Variants in ARHGAP17 observed in about 807,000 individuals in gnomAD.
ARHGAP17 encodes rho GTPase-activating protein 17.
ARHGAP17 carries 57 observed loss-of-function variants against 99.5 expected under a neutral mutation model. The observed-to-expected ratio is 0.57, with a 90% CI of 0.46 to 0.71. The LOEUF (loss-of-function observed/expected upper bound fraction) is 0.71. Ranked by LOEUF, ARHGAP17 falls within the 30% of genes least tolerant of loss-of-function variation. The probability of loss-of-function intolerance (pLI) is 0.00; values close to 1 mark genes in which losing one functional copy is unlikely to be tolerated. For synonymous variants in ARHGAP17, 417 were observed against 429.6 expected, an observed-to-expected ratio of 0.97 and a Z score of 0.36; for missense variants, 1,000 against 1,122.4, an observed-to-expected ratio of 0.89 and a Z score of 1.56.
In ARHGAP17 at chr16:24,947,541, C is replaced by A; in HGVS notation, c.1182G>T (p.Met394Ile). Residue 394 changes from methionine to isoleucine, a missense_variant, in exon 14 of 20, where the codon ATG becomes ATT. Coordinates refer to ENST00000289968, the MANE Select transcript of ARHGAP17 (RefSeq NM_001006634.3). ...KLAQTSDVNK[M>I]TPSNIAIVLG... ...ACACAATCGCAATGTTGCTGGGAGT[C>A]ATTTTATTCACATCGCTGGTCTGAG... is the stretch of plus-strand genomic sequence containing the variant. 6.2e-7 allele frequency: 1 copy of A among 1,613,584 alleles called. No individual in the cohort carries two copies. Among genetic ancestry groups the A allele is most frequent in the South Asian group, 1.1e-5 (1 of 91,066 alleles).
chr16:24,936,721 A>G (rs1287385254), intron 17 of ARHGAP17: 1 of 151,858 alleles, frequency 6.6e-6, no homozygotes, highest in Non-Finnish European at 1.5e-5. Flanking sequence ...AAAAAAAAGC[A>G]AAGTAACTGA....
intron 10 of ARHGAP17, 130 bp downstream of exon 10, chr16:24,954,473 G>C: frequency 7.5e-7 from 1 of 1,332,166 alleles, no homozygotes; most frequent in South Asian, 1.5e-5. Context: ...GAAAGCCACT[G>C]TTCTACACAA....
intron 16 of ARHGAP17, 184 bp from the exon 17 acceptor site, chr16:24,939,781 G>A (rs755146343): frequency 2.5e-5 from 16 of 651,176 alleles, no homozygotes; most frequent in Non-Finnish European, 4.0e-5. Flanking sequence ...TCAAGCCTGA[G>A]CAAAGCCAAT....
intron 15 of ARHGAP17, among the ~76,000 whole-genome samples, 157 bp downstream of exon 15, chr16:24,943,614 A>C (rs1260669308): frequency 2.0e-5 from 3 of 152,240 alleles, no homozygotes; most frequent in African/African-American, 7.2e-5. Context: ...CATCATGTCA[A>C]AATACAAATG....
chr16:25,006,285 T>TA (rs144748526), intron 1 of ARHGAP17, among the ~76,000 whole-genome samples: 1,596 of 139,122 alleles, frequency 0.011, 24 homozygotes, highest in African/African-American at 0.034. Context: ...TACTAAAAAT[T>TA]AAAAAAAAAA....
At chr16:24,959,546 GTAC>G in intron 9 of ARHGAP17, 122 bp downstream of exon 9, 1 of 864,190 alleles carries the variant, frequency 1.2e-6, no homozygotes, top group East Asian at 2.7e-5. Flanking sequence ...CTGGGAAACA[GTAC>G]CCTCCTAGGC....
rs1567212960 is a variant in ARHGAP17 at position 24,935,643 on chromosome 16, A to C, written c.1725-4T>G. 6.2e-6 allele frequency: 10 copies of C among 1,613,734 alleles called. No individual in the cohort carries two copies. The highest frequency in any genetic ancestry group is 8.5e-6 in the Non-Finnish European group (10 of 1,179,980). ...AGGGTCCTTCGGTTTGGGAGGACTA[A>C]GAGGAGTAAAAGTCAAGTTAGACGT... On this transcript the variant is annotated splice_region_variant and splice_polypyrimidine_tract_variant and intron_variant, in intron 17 of 19. Transcript: ENST00000289968.
chr16:24,953,854 A>C (rs2141242989), intron 10 of ARHGAP17, among the ~76,000 whole-genome samples: 1 of 152,290 alleles, frequency 6.6e-6, no homozygotes, highest in Middle Eastern at 3.4e-3. Context: ...CCCAGACAAG[A>C]AGCACCAATG....
At chr16:24,973,447 C>A (rs959853144) in intron 3 of ARHGAP17, among the ~76,000 whole-genome samples, 14 of 152,190 alleles carry the variant, frequency 9.2e-5, no homozygotes, top group African/African-American at 3.4e-4. Flanking sequence ...CTCCTCTTCC[C>A]AAGTGCAAAG....
chr16:24,920,404 T>C (rs2050690893), intron 19 of ARHGAP17, 144 bp from the exon 20 acceptor site: 1 of 973,906 alleles, frequency 1.0e-6, no homozygotes, highest in Non-Finnish European at 1.5e-6. Flanking sequence ...CCTCATCAGC[T>C]CTTAGAAGCC....
At position 24,947,487 on chromosome 16, in the gene ARHGAP17, A is replaced by G. The variant is rs2051507311; in HGVS notation, c.1236T>C (p.Asn412=). ...VLGPNLLWAR[N]EGTLAEMAAA... ...TACAGAGAAAGATGACTTACCCTTC[A>G]TTTCTGGCCCATAACAAGTTAGGGC... Residue 412 remains asparagine (N), a synonymous_variant, in exon 14 of 20, where the codon AAT becomes AAC. Coordinates refer to ENST00000289968, the MANE Select transcript of ARHGAP17 (RefSeq NM_001006634.3). The G allele has an allele frequency of 4.3e-6, 7 of 1,612,746 alleles. No individual in the cohort carries two copies. In the East Asian group the frequency reaches 1.6e-4, roughly 36 times the overall value.
rs1473712109 is a variant in ARHGAP17 at position 24,920,015 on chromosome 16, C to T, written c.*115G>A. The T allele has an allele frequency of 6.8e-7, 1 of 1,464,204 alleles. No individual in the cohort carries two copies. Among genetic ancestry groups the T allele is most frequent in the African/African-American group, 1.4e-5 (1 of 71,142 alleles). The allele number at this position is 1,464,204 out of a possible 1,614,324, so 90.7% of individuals were successfully genotyped here. A position where few individuals can be genotyped will look rare whatever the true frequency, so the allele number is the denominator to read the frequency against. On this transcript the variant is annotated 3_prime_UTR_variant, in exon 20 of 20. Transcript: ENST00000289968. ...AGGCCAGGTCCCGCACAGTGAGGCC[C>T]TCCTTTGTCCTCCACTGAAAGCTTT... is the stretch of plus-strand genomic sequence containing the variant.
At chr16:24,984,950 AAG>A (rs1241910668) in intron 1 of ARHGAP17, among the ~76,000 whole-genome samples, 2 of 152,202 alleles carry the variant, frequency 1.3e-5, no homozygotes, top group Non-Finnish European at 2.9e-5. Flanking sequence ...TTTATGTTAA[AAG>A]AGGAGTGAAA....
At chr16:24,941,618 C>G in intron 16 of ARHGAP17, 1 of 201,346 alleles carries the variant, frequency 5.0e-6, no homozygotes, top group Non-Finnish European at 1.0e-5. Flanking sequence ...TGGGTGTTCT[C>G]ACACTCAATT....
At chr16:25,013,995 G>A (rs566744877) in intron 1 of ARHGAP17, 4 of 152,030 alleles carry the variant, frequency 2.6e-5, no homozygotes, top group African/African-American at 4.8e-5. Context: ...TGGGCTTTAG[G>A]GGCAGCGATT....
At chr16:24,962,162 A>C (rs59926821) in intron 7 of ARHGAP17, among the ~76,000 whole-genome samples, 20 of 151,430 alleles carry the variant, frequency 1.3e-4, no homozygotes, top group East Asian at 1.2e-3. Flanking sequence ...CACACACACA[A>C]AGAGAGAAAG....
intron 3 of ARHGAP17, among the ~76,000 whole-genome samples, chr16:24,975,016 T>C (rs1050460493): frequency 2.0e-5 from 3 of 152,046 alleles, no homozygotes; most frequent in Non-Finnish European, 4.4e-5. Flanking sequence ...TAGCCAGGCT[T>C]GGTGGCGCAA....
intron 13 of ARHGAP17, among the ~76,000 whole-genome samples, chr16:24,948,445 T>C (rs2051538480): frequency 6.6e-6 from 1 of 152,170 alleles, no homozygotes; most frequent in Non-Finnish European, 1.5e-5. Context: ...TTTCATCGTA[T>C]ACCATTTGAA....
intron 19 of ARHGAP17, among the ~76,000 whole-genome samples, chr16:24,925,538 G>A (rs1415164292): frequency 2.6e-5 from 4 of 152,162 alleles, no homozygotes; most frequent in Non-Finnish European, 5.9e-5. Flanking sequence ...ATTCAGGAGT[G>A]ATTCTGTTCA....
Sources: gnomAD v4.1 joint callset for allele counts (sites outside exome capture counted in the v4.1 genomes callset) on GRCh38, gnomAD v4.1.1 for gene constraint, MANE v1.5 for transcripts, NCBI Gene and HGNC (gene_info 2026-07-23, HGNC 2026-07-21) for gene names.